Variants in KCND2 observed in about 807,000 individuals in gnomAD.
KCND2 encodes the protein potassium voltage-gated channel subfamily D member 2.
A neutral mutation model predicts 54.4 loss-of-function variants in KCND2; 16 were observed. That is an observed-to-expected ratio of 0.29 (90% CI 0.20 to 0.45). KCND2 has a LOEUF of 0.45. Among genes scored for constraint, KCND2 ranks in the 20% least tolerant of loss-of-function variants. The probability of loss-of-function intolerance (pLI) is 1.00; values close to 1 mark genes in which losing one functional copy is unlikely to be tolerated. For synonymous variants in KCND2, 317 were observed against 310.7 expected (o/e 1.02, Z -0.21); for missense variants, 486 against 824.2 (o/e 0.59, Z 5.02).
intron 1 of KCND2, among the ~76,000 whole-genome samples, chr7:120,639,788 C>A (rs1793349036): frequency 6.6e-6 from 1 of 152,104 alleles, no homozygotes; most frequent in African/African-American, 2.4e-5. Flanking sequence ...TCTGTGCCAG[C>A]AAGTGTAGTG....
chr7:120,390,712 A>T (rs1326464183), intron 1 of KCND2, among the ~76,000 whole-genome samples: 3 of 151,928 alleles, frequency 2.0e-5, no homozygotes, highest in African/African-American at 7.2e-5. Context: ...AAATAAGTTT[A>T]TCTTTGTTCA....
chr7:120,471,616 ATCTC>A (rs1802455757), intron 1 of KCND2, among the ~76,000 whole-genome samples: 1 of 152,046 alleles, frequency 6.6e-6, no homozygotes, highest in Non-Finnish European at 1.5e-5. Flanking sequence ...AGCCTATTTA[ATCTC>A]TCTAAGACTT....
At chr7:120,332,294 T>C (rs567777453) in intron 1 of KCND2, among the ~76,000 whole-genome samples, 78 of 152,200 alleles carry the variant, frequency 5.1e-4, no homozygotes, top group African/African-American at 1.7e-3. Context: ...TTTAAAATGT[T>C]CATAACTTTC....
chr7:120,716,442 C>T (rs182831962), intron 1 of KCND2, among the ~76,000 whole-genome samples: 21 of 152,004 alleles, frequency 1.4e-4, no homozygotes, highest in South Asian at 2.1e-4. Context: ...TAGGCTTGTG[C>T]GGAAAGGAGA....
intron 1 of KCND2, among the ~76,000 whole-genome samples, chr7:120,328,026 C>G (rs1168495495): frequency 6.6e-6 from 1 of 152,118 alleles, no homozygotes; most frequent in Non-Finnish European, 1.5e-5. Context: ...ACATAATCAC[C>G]TATGGAGAAC....
intron 1 of KCND2, among the ~76,000 whole-genome samples, chr7:120,483,542 C>G (rs956693639): frequency 6.6e-6 from 1 of 152,090 alleles, no homozygotes; most frequent in Non-Finnish European, 1.5e-5. Flanking sequence ...CTGAAAATAT[C>G]TGCATTTGGA....
intron 1 of KCND2, among the ~76,000 whole-genome samples, chr7:120,354,732 C>G (rs1800471934): frequency 6.6e-6 from 1 of 151,912 alleles, no homozygotes; most frequent in Non-Finnish European, 1.5e-5. Context: ...TCAGCTCCCA[C>G]CTGGGTAACA....
intron 1 of KCND2, among the ~76,000 whole-genome samples, chr7:120,730,704 G>A (rs1476558653): frequency 6.6e-6 from 1 of 152,080 alleles, no homozygotes; most frequent in Admixed American, 6.6e-5. Context: ...TGAGTACCTG[G>A]ATCTTCAAAT....
chr7:120,352,094 C>T (rs895087081), intron 1 of KCND2, among the ~76,000 whole-genome samples: 51 of 151,976 alleles, frequency 3.4e-4, no homozygotes, highest in African/African-American at 1.2e-3. Flanking sequence ...TGCACCAACA[C>T]ACCCACCTAA....
chr7:120,584,330 A>C (rs891981255), intron 1 of KCND2, among the ~76,000 whole-genome samples: 19 of 152,198 alleles, frequency 1.2e-4, no homozygotes, highest in Admixed American at 1.3e-4. Flanking sequence ...GATCATTTCT[A>C]GTCTCACATT....
At chr7:120,549,335 T>C (rs1792079204) in intron 1 of KCND2, among the ~76,000 whole-genome samples, 1 of 152,132 alleles carries the variant, frequency 6.6e-6, no homozygotes, top group African/African-American at 2.4e-5. Flanking sequence ...TTATAGAAAT[T>C]AGCTATTTTC....
intron 1 of KCND2, among the ~76,000 whole-genome samples, chr7:120,349,591 G>A (rs547923157): frequency 2.0e-5 from 3 of 152,150 alleles, no homozygotes; most frequent in African/African-American, 7.2e-5. Flanking sequence ...GATTTGACCT[G>A]CTGCTAAATC....
chr7:120,374,140 G>A (rs1305203745), intron 1 of KCND2, among the ~76,000 whole-genome samples: 2 of 151,582 alleles, frequency 1.3e-5, no homozygotes, highest in African/African-American at 4.8e-5. Context: ...TTTTGTCTAT[G>A]TTGAAAAGAA....
At chr7:120,500,103 G>A (rs903131760) in intron 1 of KCND2, among the ~76,000 whole-genome samples, 2 of 152,104 alleles carry the variant, frequency 1.3e-5, no homozygotes, top group African/African-American at 2.4e-5. Context: ...TATTTCCTCT[G>A]AGTGTTCCAT....
At chr7:120,311,733 C>T (rs937207100) in intron 1 of KCND2, among the ~76,000 whole-genome samples, 1 of 152,094 alleles carries the variant, frequency 6.6e-6, no homozygotes, top group Non-Finnish European at 1.5e-5. Context: ...CCTCTACCCT[C>T]CAAAAGGCCC....
intron 1 of KCND2, among the ~76,000 whole-genome samples, chr7:120,386,726 T>A (rs1022400991): frequency 6.6e-6 from 1 of 152,152 alleles, no homozygotes; most frequent in Non-Finnish European, 1.5e-5. Flanking sequence ...TTCACTGTTA[T>A]ATGAAACATT....
At chr7:120,385,881 T>C (rs1800980892) in intron 1 of KCND2, among the ~76,000 whole-genome samples, 1 of 152,152 alleles carries the variant, frequency 6.6e-6, no homozygotes, top group Non-Finnish European at 1.5e-5. Context: ...CATTGAGCTC[T>C]TTTCATTCCA....
At chr7:120,409,494 G>A (rs982923091) in intron 1 of KCND2, among the ~76,000 whole-genome samples, 9 of 151,802 alleles carry the variant, frequency 5.9e-5, no homozygotes, top group Non-Finnish European at 1.2e-4. Context: ...ATTTTTTGCC[G>A]CATTTTGCAT....
chr7:120,584,620 C>T (rs947559769), intron 1 of KCND2, among the ~76,000 whole-genome samples: 1 of 152,190 alleles, frequency 6.6e-6, no homozygotes, highest in African/African-American at 2.4e-5. Flanking sequence ...AAAGATTCCT[C>T]GAACTCACAG....
Sources: gnomAD v4.1 joint callset for allele counts (sites outside exome capture counted in the v4.1 genomes callset) on GRCh38, gnomAD v4.1.1 for gene constraint, MANE v1.5 for transcripts, NCBI Gene and HGNC (gene_info 2026-07-23, HGNC 2026-07-21) for gene names.